The following MYO16 variants were observed in gnomAD, a reference collection of about 807,000 sequenced individuals.
MYO16 encodes the protein myosin XVI.
A neutral mutation model predicts 205.3 loss-of-function variants in MYO16; 94 were observed. The ratio of observed to expected loss-of-function variants is 0.46; its 90% CI spans 0.39 to 0.54. The LOEUF is 0.54. MYO16 is among the 20% of genes least tolerant of loss of function. The pLI, the probability that MYO16 is intolerant of heterozygous loss-of-function variation, is 0.00. For synonymous variants in MYO16, 988 were observed against 954.0 expected, an observed-to-expected ratio of 1.04 and a Z score of -0.66; for missense variants, 2,315 against 2,387.5, an observed-to-expected ratio of 0.97 and a Z score of 0.63.
At chr13:109,109,326 G>A (rs1889212970) in intron 28 of MYO16, among the ~76,000 whole-genome samples, 1 of 152,222 alleles carries the variant, frequency 6.6e-6, no homozygotes, top group Admixed American at 6.5e-5. Context: ...TCACCACAAG[G>A]AGAAGGTGTG....
chr13:108,683,968 C>T (rs560123107), intron 2 of MYO16, among the ~76,000 whole-genome samples: 4 of 152,292 alleles, frequency 2.6e-5, no homozygotes, highest in South Asian at 2.1e-4. Flanking sequence ...CTCCGCCTCC[C>T]GGGTTTAAGT....
At chr13:108,846,105 C>A (rs1877506992) in intron 10 of MYO16, among the ~76,000 whole-genome samples, 1 of 152,180 alleles carries the variant, frequency 6.6e-6, no homozygotes, top group Non-Finnish European at 1.5e-5. Context: ...TCTGGCATAA[C>A]TTTCCATTTC....
At chr13:109,081,323 A>T (rs1173965540) in intron 27 of MYO16, among the ~76,000 whole-genome samples, 2 of 152,214 alleles carry the variant, frequency 1.3e-5, no homozygotes, top group Non-Finnish European at 1.5e-5. Context: ...TGTTCTCTGA[A>T]GACCTAAAAG....
chr13:108,667,585 G>C (rs74510755), intron 2 of MYO16, among the ~76,000 whole-genome samples: 6,455 of 152,204 alleles, frequency 0.042, 162 homozygotes, highest in Middle Eastern at 0.14. Flanking sequence ...ATGCCCATTA[G>C]GGTCATTGCT....
rs1243062237 is a variant in MYO16 at position 108,791,676 on chromosome 13, G to A, written c.617-1840G>A. ...AGGCTCGGAGAAGGAGCTGTGGCACGAGGCAGAGTTGAAGTGCCCCATGGG... is the reference window on the plus strand; with the variant it reads ...AGGCTCGGAGAAGGAGCTGTGGCACAAGGCAGAGTTGAAGTGCCCCATGGG... On this transcript the variant is annotated intron_variant, in intron 5 of 34. Transcript: ENST00000457511. 4.6e-5 allele frequency among the ~76,000 whole-genome samples: 7 copies of A among 152,182 alleles called. No homozygotes were observed. In the East Asian group the frequency reaches 5.8e-4, roughly 13 times the overall value.
intron 29 of MYO16, among the ~76,000 whole-genome samples, chr13:109,124,297 C>G (rs1876133904): frequency 6.6e-6 from 1 of 152,170 alleles, no homozygotes; most frequent in African/African-American, 2.4e-5. Context: ...GTAGTTTGAC[C>G]TCCTAAGCTT....
At chr13:108,853,150 C>A (rs1008939847) in intron 10 of MYO16, among the ~76,000 whole-genome samples, 1 of 152,210 alleles carries the variant, frequency 6.6e-6, no homozygotes, top group Non-Finnish European at 1.5e-5. Flanking sequence ...TATGGTCGCG[C>A]CTCTCTCTGA....
intron 28 of MYO16, among the ~76,000 whole-genome samples, chr13:109,108,073 A>T (rs1312953687): frequency 6.6e-6 from 1 of 152,216 alleles, no homozygotes; most frequent in African/African-American, 2.4e-5. Context: ...CTTTGTTTTT[A>T]AAAATGATAT....
At chr13:108,947,627 C>A (rs1013385722) in intron 16 of MYO16, among the ~76,000 whole-genome samples, 9 of 152,322 alleles carry the variant, frequency 5.9e-5, no homozygotes, top group Non-Finnish European at 1.3e-4. Context: ...CTGCGGTCAG[C>A]CCCTTAACCG....
intron 27 of MYO16, among the ~76,000 whole-genome samples, chr13:109,082,003 G>A (rs9521166): frequency 0.55 from 83,478 of 151,948 alleles, 23,307 homozygotes; most frequent in Non-Finnish European, 0.6. Context: ...TTTCAAAGCA[G>A]AGTTGAGTGT....
intron 6 of MYO16, 131 bp downstream of exon 6, chr13:108,793,771 G>A (rs1886697248): frequency 1.8e-6 from 2 of 1,083,620 alleles, no homozygotes; most frequent in African/African-American, 1.6e-5. Flanking sequence ...AATTGTAGAA[G>A]TTTTGGAAAA....
chr13:108,672,726 C>G (rs192463463), intron 2 of MYO16, among the ~76,000 whole-genome samples: 128 of 152,130 alleles, frequency 8.4e-4, no homozygotes, highest in Non-Finnish European at 1.5e-3. Context: ...GTAAATTCAA[C>G]TCTATTTGAG....
At chr13:109,082,571 A>G (rs959113982) in intron 27 of MYO16, among the ~76,000 whole-genome samples, 2 of 152,206 alleles carry the variant, frequency 1.3e-5, no homozygotes, top group African/African-American at 2.4e-5. Context: ...GCAGTGGCTC[A>G]TGCCTTTAAT....
the MYO16 span, among the ~76,000 whole-genome samples, chr13:108,579,702 G>A: frequency 2.0e-5 from 3 of 152,138 alleles, no homozygotes; most frequent in Non-Finnish European, 2.9e-5. Flanking sequence ...GCCTCCCAAA[G>A]TGCTGCGATA....
chr13:108,520,723 T>C, the MYO16 span, among the ~76,000 whole-genome samples: 2 of 152,324 alleles, frequency 1.3e-5, no homozygotes, highest in South Asian at 4.1e-4. Context: ...ATGCATACAA[T>C]TTAAAAGCAT....
chr13:108,603,032 T>C (rs968262478), intron 1 of MYO16, among the ~76,000 whole-genome samples: 4 of 152,186 alleles, frequency 2.6e-5, no homozygotes, highest in Non-Finnish European at 4.4e-5. Flanking sequence ...TTGAAAAGTA[T>C]GTAATAAATG....
At chr13:108,744,539 C>T (rs976101473) in intron 4 of MYO16, among the ~76,000 whole-genome samples, 4 of 152,224 alleles carry the variant, frequency 2.6e-5, no homozygotes, top group Non-Finnish European at 5.9e-5. Flanking sequence ...ATTCTGCTGA[C>T]CCAGGTTAGC....
intron 7 of MYO16, among the ~76,000 whole-genome samples, chr13:108,819,978 G>A (rs1475051692): frequency 6.6e-6 from 1 of 152,146 alleles, no homozygotes; most frequent in Non-Finnish European, 1.5e-5. Flanking sequence ...TTTCAGTGTA[G>A]TGATTCATTC....
At chr13:108,726,308 C>A (rs1303050872) in intron 3 of MYO16, among the ~76,000 whole-genome samples, 1 of 152,098 alleles carries the variant, frequency 6.6e-6, no homozygotes, top group Non-Finnish European at 1.5e-5. Context: ...CGCCTGTAAT[C>A]CCAGCACTTT....
Sources: gnomAD v4.1 joint callset for allele counts (sites outside exome capture counted in the v4.1 genomes callset) on GRCh38, gnomAD v4.1.1 for gene constraint, MANE v1.5 for transcripts, NCBI Gene and HGNC (gene_info 2026-07-23, HGNC 2026-07-21) for gene names.